Variants in TCOF1 observed in about 807,000 individuals in gnomAD.
The protein encoded by TCOF1 is treacle ribosome biogenesis factor 1, also known as treacle protein.
TCOF1 carries 33 observed loss-of-function variants against 149.0 expected under a neutral mutation model. That is an observed-to-expected ratio of 0.22 (90% CI 0.17 to 0.30). The LOEUF (loss-of-function observed/expected upper bound fraction) is 0.30, where lower values mean the gene tolerates loss of function less well. TCOF1 is among the 10% of genes least tolerant of loss of function. The probability of loss-of-function intolerance (pLI) is 1.00; values close to 1 mark genes in which losing one functional copy is unlikely to be tolerated. For missense variants in TCOF1, 1,728 were observed against 1,840.7 expected, an observed-to-expected ratio of 0.94 and a Z score of 1.12; for synonymous variants, 789 against 738.8, an observed-to-expected ratio of 1.07 and a Z score of -1.10.
rs1765690650 is a variant in TCOF1, at chr5:150,383,677, G to A, written c.2859+3945G>A. 2.0e-6 allele frequency: 3 copies of A among 1,500,254 alleles called. No individual in the cohort carries two copies. The African/African-American group carries it at 4.2e-5, about 21-fold the overall frequency. 92.9% of individuals were successfully genotyped at this position (1,500,254 alleles called of 1,614,324 possible). A position where few individuals can be genotyped will look rare whatever the true frequency, so the allele number is the denominator to read the frequency against. ...CCCAAATTCTCATGATTCATAAGAG[G>A]CTGAGGAAAGGTCCAAACGCTGGTC... is the stretch of plus-strand genomic sequence containing the variant. On this transcript the variant is annotated intron_variant, in intron 17 of 26. Transcript: ENST00000643257.
At chr5:150,370,439 TC>T (rs540328226) in intron 6 of TCOF1, among the ~76,000 whole-genome samples, 47 of 152,312 alleles carry the variant, frequency 3.1e-4, no homozygotes, top group African/African-American at 1.1e-3. Flanking sequence ...AGCTGCAACT[TC>T]CACCTCCCGG....
At chr5:150,362,848 T>A (rs1189631097) in intron 2 of TCOF1, among the ~76,000 whole-genome samples, 1 of 152,124 alleles carries the variant, frequency 6.6e-6, no homozygotes, top group Admixed American at 6.6e-5. Flanking sequence ...CTCTGCACAC[T>A]CTTCCCTGCC....
intron 23 of TCOF1, among the ~76,000 whole-genome samples, chr5:150,395,327 G>A (rs1561537433): frequency 1.3e-5 from 2 of 152,226 alleles, no homozygotes; most frequent in African/African-American, 4.8e-5. Flanking sequence ...AGCCCAGCAT[G>A]CAGGAGTGTT....
intron 1 of TCOF1, among the ~76,000 whole-genome samples, chr5:150,358,219 G>C (rs945910959): frequency 1.3e-5 from 2 of 152,132 alleles, no homozygotes; most frequent in Admixed American, 1.3e-4. Context: ...GGGCAAGGAG[G>C]TTGCTGCGAG....
At chr5:150,398,533 C>T (rs1383590745) in intron 25 of TCOF1, 82 bp downstream of exon 25, 1 of 1,596,558 alleles carries the variant, frequency 6.3e-7, no homozygotes, top group African/African-American at 1.4e-5. Flanking sequence ...CTGGTTCCTG[C>T]CCCCTTCCCA....
intron 4 of TCOF1, 60 bp downstream of exon 4, chr5:150,367,977 AGTCTTACAT>A: frequency 6.3e-7 from 1 of 1,579,270 alleles, no homozygotes; most frequent in Admixed American, 1.7e-5. Context: ...GGTAGGGGAC[AGTCTTACAT>A]GTCAGAGAAG....
chr5:150,364,684 C>T (rs1760919473), intron 3 of TCOF1, among the ~76,000 whole-genome samples: 1 of 152,208 alleles, frequency 6.6e-6, no homozygotes, highest in Admixed American at 6.5e-5. Context: ...TACCCATTAG[C>T]ACTGGAACGC....
rs746023326 is a variant in TCOF1, at chr5:150,390,035, G to A, written c.3183+12G>A. The A allele has an allele frequency of 1.9e-6, 3 of 1,600,536 alleles. No homozygotes were observed. The highest frequency in any genetic ancestry group is 1.1e-5 in the South Asian group (1 of 89,536). ...GACCAGCCACTCAGGTACCTGGTGG[G>A]CAAGGGAGGGTAATGCAGGCCAGTG... is the stretch of plus-strand genomic sequence containing the variant. On this transcript the variant is annotated intron_variant, in intron 19 of 26. Transcript: ENST00000643257.
chr5:150,375,884 C>T lies in TCOF1; in HGVS notation c.1868C>T (p.Ala623Val), dbSNP rs766618804. The T allele has an allele frequency of 2.5e-6, 4 of 1,614,128 alleles. No individual in the cohort carries two copies. The highest frequency in any genetic ancestry group is 1.1e-5 in the South Asian group (1 of 91,080). ...TCGGACAGTGCGGACAGTGAGGAGG[C>T]ACCAGCAGCCATGACTGCAGCTCAG... ...ESSDSADSEE[A>V]PAAMTAAQAK... The change falls in exon 12 of 27, where the codon GCA becomes GTA. Residue 623 changes from alanine (A) to valine (V), a missense_variant. By Grantham distance (64) the Ala-to-Val change is moderately conservative. Around this residue, in one of 2 missense-constraint regions of TCOF1, gnomAD observed 1,696 missense variants for 1,765.4 expected, o/e 0.96. Transcript: ENST00000643257.
intron 2 of TCOF1, among the ~76,000 whole-genome samples, chr5:150,361,819 T>C (rs901915704): frequency 6.6e-6 from 1 of 152,170 alleles, no homozygotes; most frequent in African/African-American, 2.4e-5. Flanking sequence ...TGGAAATTGC[T>C]AATGCTAAGT....
intron 17 of TCOF1, among the ~76,000 whole-genome samples, chr5:150,387,373 C>T (rs920565824): frequency 3.9e-5 from 6 of 152,160 alleles, no homozygotes; most frequent in African/African-American, 1.4e-4. Flanking sequence ...GGAGTTTCAT[C>T]CTGGGCCATG....
In TCOF1 at chr5:150,396,454, C is replaced by T. The variant is rs769734630; in HGVS notation, c.3957C>T (p.Val1319=). 1 of 1,613,978 alleles carries T rather than the reference C, an allele frequency of 6.2e-7. No homozygotes were observed. Among genetic ancestry groups the T allele is most frequent in the Admixed American group, 1.7e-5 (1 of 60,022 alleles). The change falls in exon 24 of 27, where the codon GTC becomes GTT. Residue 1319 remains valine, a synonymous_variant. Coordinates refer to ENST00000643257, the MANE Select transcript of TCOF1 (RefSeq NM_001371623.1). ...EAQVQASVVK[V]LTELLEQERK... is the part of the protein sequence containing the mutation. The stretch of plus-strand genomic sequence containing the variant: ...AGGTGCAGGCCTCAGTGGTGAAGGT[C>T]CTGACTGAGCTGCTGGAACAGGAAA...
chr5:150,379,832 G>A (rs1764674519), intron 17 of TCOF1, 100 bp downstream of exon 17: 2 of 1,438,618 alleles, frequency 1.4e-6, no homozygotes, highest in South Asian at 2.4e-5. Context: ...AGCACTTTGG[G>A]AGGCCGAGGC....
chr5:150,374,483 G>A, intron 8 of TCOF1, 97 bp downstream of exon 8: 3 of 1,553,388 alleles, frequency 1.9e-6, no homozygotes, highest in Non-Finnish European at 2.6e-6. Context: ...CCCCGGGCGT[G>A]CCTCAGACCC....
chr5:150,358,595 G>C (rs990147510), intron 1 of TCOF1, among the ~76,000 whole-genome samples: 1 of 152,164 alleles, frequency 6.6e-6, no homozygotes, highest in East Asian at 1.9e-4. Context: ...CCAGCACTTA[G>C]GGAGGCCGAG....
rs1361908470 is a variant in TCOF1 at position 150,364,094 on chromosome 5, A to G, written c.165-19A>G. 2 of 1,614,062 alleles carry G rather than the reference A, an allele frequency of 1.2e-6. No homozygotes were observed. Among genetic ancestry groups the G allele is most frequent in the Middle Eastern group, 1.6e-4 (1 of 6,062 alleles). The stretch of plus-strand genomic sequence containing the variant: ...GTTCTGTCACCCAGTTGGTATAGAC[A>G]GTCACCCTTGTCCTGCAGAACCTCA... On this transcript the variant is annotated intron_variant, in intron 2 of 26. Transcript: ENST00000643257.
intron 17 of TCOF1, among the ~76,000 whole-genome samples, chr5:150,381,211 A>G (rs1765091753): frequency 1.3e-5 from 2 of 152,174 alleles, no homozygotes; most frequent in Admixed American, 1.3e-4. Flanking sequence ...GTGCCAGGCC[A>G]AGCTCCATAA....
Position 150,374,402 on chromosome 5 carries a change from G to A in TCOF1, c.1083+16G>A, listed in dbSNP as rs1477976412. 1 of 1,551,986 alleles carries A rather than the reference G, an allele frequency of 6.4e-7. No individual in the cohort carries two copies. The highest frequency in any genetic ancestry group is 8.7e-7 in the Non-Finnish European group (1 of 1,147,702). On this transcript the variant is annotated intron_variant, in intron 8 of 26. Coordinates refer to ENST00000643257, the MANE Select transcript of TCOF1 (RefSeq NM_001371623.1). Reference sequence around the variant, plus strand: ...CCTGCTTCAGGTGAGGCCTGAGGAGGGAGACTCCATGCAGCCAGGCCCGTC... The same window carrying A: ...CCTGCTTCAGGTGAGGCCTGAGGAGAGAGACTCCATGCAGCCAGGCCCGTC...
In TCOF1 at chr5:150,375,733, G is replaced by T. The variant is rs1193701835; in HGVS notation, c.1717G>T (p.Gly573Trp). ...TATCTCACTCCAGGAAAAGTCCTTGGGGAACATCCTCCAGGCCAAACCCAC... is the reference window on the plus strand; with the variant it reads ...TATCTCACTCCAGGAAAAGTCCTTGTGGAACATCCTCCAGGCCAAACCCAC... ...AVAPAQEKSL[G>W]NILQAKPTSS... Residue 573 changes from glycine (G) to tryptophan (W), a missense_variant, in exon 12 of 27, where the codon GGG becomes TGG. Transcript: ENST00000643257. 1.2e-6 allele frequency: 2 copies of T among 1,614,238 alleles called. No individual in the cohort carries two copies. Among genetic ancestry groups the T allele is most frequent in the South Asian group, 2.2e-5 (2 of 91,086 alleles).
Sources: allele counts gnomAD v4.1 joint callset (sites outside exome capture counted in the v4.1 genomes callset), GRCh38; gene constraint gnomAD v4.1.1; regional missense constraint gnomAD v4.1.1; transcripts MANE v1.5; gene names NCBI Gene and HGNC (gene_info 2026-07-23, HGNC 2026-07-21).